The following TMEM272 variants were observed in gnomAD, a reference collection of about 807,000 sequenced individuals.
The protein encoded by TMEM272 is long intergenic non-protein coding RNA 282.
A neutral mutation model predicts 3.7 loss-of-function variants in TMEM272; 8 were observed. The ratio of observed to expected loss-of-function variants is 2.17; its 90% confidence interval spans 1.27 to 3.91. The LOEUF (loss-of-function observed/expected upper bound fraction) is 3.91. TMEM272 is among the 30% of genes most tolerant of loss of function. The pLI is 0.00. For synonymous variants in TMEM272, 63 were observed against 39.8 expected (o/e 1.58, Z -2.20); for missense variants, 166 against 91.5 (o/e 1.81, Z -3.32).
At chr13:51,903,587 C>G in the TMEM272 span, among the ~76,000 whole-genome samples, 23 of 152,216 alleles carry the variant, frequency 1.5e-4, no homozygotes, top group African/African-American at 5.1e-4. Context: ...TTTTTCCTAT[C>G]CCTAGGTGTA....
intron 4 of TMEM272, 118 bp downstream of exon 4, chr13:51,821,937 G>A (rs918044043): frequency 2.9e-5 from 20 of 690,068 alleles, no homozygotes; most frequent in East Asian, 2.4e-4. Flanking sequence ...CAGCAACCAC[G>A]CTTAGGGGGA....
chr13:51,826,594 C>T lies in TMEM272; in HGVS notation c.90G>A (p.Leu30=), dbSNP rs1593592878. The T allele has an allele frequency of 1.4e-6, 1 of 702,540 alleles. No homozygotes were observed. Among genetic ancestry groups the T allele is most frequent in the Admixed American group, 2.0e-5 (1 of 50,020 alleles). The allele number at this position is 702,540 out of a possible 1,614,324, so 43.5% of individuals were successfully genotyped here. A position where few individuals can be genotyped will look rare whatever the true frequency, so the allele number is the denominator to read the frequency against. The change falls in exon 3 of 5, where the codon CTG becomes CTA. Residue 30 remains leucine, a synonymous_variant. Coordinates refer to ENST00000629372, the MANE Select transcript of TMEM272 (RefSeq NM_001351003.2). ...TGAAGGTCATGGACAGCGGCAGAGCCAGGAAAGCACAGAGCACAACAACGA... is the reference window on the plus strand; with the variant it reads ...TGAAGGTCATGGACAGCGGCAGAGCTAGGAAAGCACAGAGCACAACAACGA... ...ACFVVVLCAF[L]ALPLSMTFIG... is the part of the protein sequence containing the mutation.
At chr13:51,856,607 T>G in the TMEM272 span, among the ~76,000 whole-genome samples, 2 of 152,094 alleles carry the variant, frequency 1.3e-5, no homozygotes, top group Non-Finnish European at 2.9e-5. Flanking sequence ...CTATGTCAGA[T>G]TTCTCTTACC....
At chr13:51,864,118 TTTTTC>T in the TMEM272 span, among the ~76,000 whole-genome samples, 7 of 149,742 alleles carry the variant, frequency 4.7e-5, no homozygotes, top group Admixed American at 1.3e-4. Flanking sequence ...CCTCCCTCTC[TTTTTC>T]TTTTCTTTTT....
At chr13:51,894,852 C>T in the TMEM272 span, among the ~76,000 whole-genome samples, 2 of 151,976 alleles carry the variant, frequency 1.3e-5, no homozygotes, top group East Asian at 3.9e-4. Flanking sequence ...CTACAACTCA[C>T]CATGATGTAG....
chr13:51,917,001 G>A, the TMEM272 span, among the ~76,000 whole-genome samples: 17 of 152,150 alleles, frequency 1.1e-4, no homozygotes, highest in Admixed American at 3.3e-4. Context: ...TCCCTTATGC[G>A]GAGGAGGACA....
intron 3 of TMEM272, among the ~76,000 whole-genome samples, chr13:51,826,217 T>C (rs552839838): frequency 1.1e-4 from 16 of 151,172 alleles, no homozygotes; most frequent in Non-Finnish European, 2.1e-4. Context: ...GCTTGCAACC[T>C]GCTTCCACAA....
the TMEM272 span, among the ~76,000 whole-genome samples, chr13:51,877,968 C>T: frequency 2.6e-5 from 4 of 152,308 alleles, no homozygotes; most frequent in East Asian, 3.9e-4. Flanking sequence ...TGAAGAAATA[C>T]GTGAGACTGG....
chr13:51,888,379 C>T, the TMEM272 span, among the ~76,000 whole-genome samples: 3 of 152,216 alleles, frequency 2.0e-5, no homozygotes, highest in African/African-American at 7.2e-5. Context: ...TTTATTTCCT[C>T]TTTCAGGGAT....
the TMEM272 span, among the ~76,000 whole-genome samples, chr13:51,929,722 C>T: frequency 6.6e-6 from 1 of 152,178 alleles, no homozygotes; most frequent in Non-Finnish European, 1.5e-5. Context: ...GTTTGAACGC[C>T]CCTTCTGTGT....
chr13:51,862,744 G>C, the TMEM272 span, among the ~76,000 whole-genome samples: 1 of 152,190 alleles, frequency 6.6e-6, no homozygotes. Context: ...GATATCCAGG[G>C]AGAGGGGGCC....
At chr13:51,929,834 C>A in the TMEM272 span, among the ~76,000 whole-genome samples, 1 of 152,238 alleles carries the variant, frequency 6.6e-6, no homozygotes, top group Non-Finnish European at 1.5e-5. Context: ...GCCAGACAGG[C>A]AAGATGAGTG....
At chr13:51,868,053 C>T in the TMEM272 span, among the ~76,000 whole-genome samples, 1 of 152,204 alleles carries the variant, frequency 6.6e-6, no homozygotes, top group African/African-American at 2.4e-5. Context: ...TTGTTTAGCA[C>T]CTGGGTGAAC....
chr13:51,910,113 G>A, the TMEM272 span: 2 of 1,051,500 alleles, frequency 1.9e-6, no homozygotes, highest in African/African-American at 3.1e-5. Context: ...TATCTTTTTG[G>A]AAATATCTGC....
chr13:51,896,545 A>G, the TMEM272 span, among the ~76,000 whole-genome samples: 1 of 152,108 alleles, frequency 6.6e-6, no homozygotes, highest in Non-Finnish European at 1.5e-5. Context: ...AGGTTGTTCA[A>G]GTTGTCGGTG....
chr13:51,825,792 A>G (rs1353795181), intron 3 of TMEM272, among the ~76,000 whole-genome samples: 1 of 151,856 alleles, frequency 6.6e-6, no homozygotes, highest in African/African-American at 2.4e-5. Context: ...ATTTTTTGGT[A>G]GAGACAAGGT....
chr13:51,911,584 C>T, the TMEM272 span, among the ~76,000 whole-genome samples: 1 of 152,240 alleles, frequency 6.6e-6, no homozygotes, highest in African/African-American at 2.4e-5. Context: ...GAGGAACCAA[C>T]TACCTAGCAA....
chr13:51,865,343 C>A, the TMEM272 span: 8 of 1,530,712 alleles, frequency 5.2e-6, no homozygotes, highest in Middle Eastern at 2.0e-4. Context: ...GTCTGACCAG[C>A]CGACCTGGAC....
the TMEM272 span, among the ~76,000 whole-genome samples, chr13:51,864,181 T>C: frequency 6.6e-6 from 1 of 151,850 alleles, no homozygotes; most frequent in East Asian, 1.9e-4. Context: ...TTGTGAAATA[T>C]ACTGTATTGA....
Sources: allele counts gnomAD v4.1 joint callset (sites outside exome capture counted in the v4.1 genomes callset), GRCh38; gene constraint gnomAD v4.1.1; transcripts MANE v1.5; gene names NCBI Gene and HGNC (gene_info 2026-07-23, HGNC 2026-07-21).